HTR3C: variants seen among roughly 807,000 people sequenced by gnomAD.
The protein encoded by HTR3C is 5-hydroxytryptamine receptor 3C.
Under a neutral mutation model 40.5 loss-of-function variants are expected in HTR3C, and 32 were observed. That is an observed-to-expected ratio of 0.79 (90% CI 0.60 to 1.06). The LOEUF (loss-of-function observed/expected upper bound fraction) is 1.06, where lower values mean the gene tolerates loss of function less well. HTR3C is among the 50% of genes least tolerant of loss of function. The pLI is 0.00. For missense variants in HTR3C, 523 were observed against 556.8 expected (o/e 0.94, Z 0.61); for synonymous variants, 209 against 217.1 (o/e 0.96, Z 0.33).
chr3:184,058,377 CG>C (rs1415108208), intron 5 of HTR3C, 49 bp from the exon 6 acceptor site: 2 of 1,507,976 alleles, frequency 1.3e-6, no homozygotes, highest in African/African-American at 2.9e-5. Context: ...ATTTCGTGGG[CG>C]GGAGGCTTGG....
chr3:184,053,830 C>T lies in HTR3C; in HGVS notation c.67+683C>T, dbSNP rs188569867. ...AGTGCAGTGGCACGATCTTGGCTCA[C>T]TGCAACCTCCGCCTCTCGGGTTTGA... On this transcript the variant is annotated intron_variant, in intron 1 of 8. Transcript: ENST00000318351. Among the ~76,000 whole-genome samples, 57 of 152,342 alleles carry T rather than the reference C, an allele frequency of 3.7e-4. 1 individual carries two copies. The East Asian group carries it at 7.1e-3, about 19-fold the overall frequency.
chr3:184,059,624 T>C lies in HTR3C; in HGVS notation c.909T>C (p.Ser303=), dbSNP rs780269955. 6 of 1,613,982 alleles carry C rather than the reference T, an allele frequency of 3.7e-6. No individual in the cohort carries two copies. Among genetic ancestry groups the C allele is most frequent in the African/African-American group, 1.3e-5 (1 of 74,894 alleles). Residue 303 remains serine, a synonymous_variant, in exon 7 of 9, where the codon AGT becomes AGC. Transcript: ENST00000318351. The part of the protein sequence containing the change: ...LLMMNDLLPA[S]GTPLISVYFA... ...TGATGAATGACTTGCTCCCTGCCAG[T>C]GGCACCCCCCTCATCAGTATGGCTC...
rs1449022848 is a variant in HTR3C at position 184,060,268 on chromosome 3, C to T, written c.1260C>T (p.His420=). 78 of 1,614,056 alleles carry T rather than the reference C, an allele frequency of 4.8e-5. No individual in the cohort carries two copies. The highest frequency in any genetic ancestry group is 1.6e-4 in the East Asian group (7 of 44,888). ...QLMELWVQFS[H]AMDTLLFRLY... ...TGGAGCTGTGGGTGCAGTTCAGCCA[C>T]GCGATGGACACCCTGCTCTTCCGCC... is the stretch of plus-strand genomic sequence containing the variant. Residue 420 remains histidine (H), a synonymous_variant, in exon 9 of 9, where the codon CAC becomes CAT. Coordinates refer to ENST00000318351, the MANE Select transcript of HTR3C (RefSeq NM_130770.3).
In HTR3C at chr3:184,055,914, G is replaced by T. The variant is rs1309986232; in HGVS notation, c.280-263G>T. ...AAAAAAAAAAAAAAAAAAAAAAAAA[G>T]GCCAAGTGCAGGCCAATATATTGGT... is the stretch of plus-strand genomic sequence containing the variant. On this transcript the variant is annotated intron_variant, in intron 3 of 8. Coordinates refer to ENST00000318351, the MANE Select transcript of HTR3C (RefSeq NM_130770.3). Among the ~76,000 whole-genome samples the T allele has an allele frequency of 6.9e-4, 21 of 30,372 alleles. 1 individual carries two copies. The highest frequency in any genetic ancestry group is 8.0e-4 in the South Asian group (1 of 1,254). 19.9% of individuals were successfully genotyped at this position (30,372 alleles called of 152,430 possible).
rs1377787713 is a variant in HTR3C, at chr3:184,060,365, C to G, written c.*13C>G. 1.9e-6 allele frequency: 3 copies of G among 1,614,006 alleles called. No individual in the cohort carries two copies. The highest frequency in any genetic ancestry group is 1.3e-5 in the African/African-American group (1 of 74,944). ...CTGGAACACCTAGGCAGACATCCCC[C>G]CTCTCTGGCAAACAACAGCTTGGAG... On this transcript the variant is annotated 3_prime_UTR_variant, in exon 9 of 9. Coordinates refer to ENST00000318351, the MANE Select transcript of HTR3C (RefSeq NM_130770.3).
At chr3:184,059,751 T>C in intron 7 of HTR3C, 77 bp from the exon 8 acceptor site, 7 of 1,593,420 alleles carry the variant, frequency 4.4e-6, no homozygotes, top group Non-Finnish European at 6.0e-6. Context: ...TGAAAGAAGA[T>C]TGGATTTAGG....
chr3:184,053,723 T>C (rs768037128), intron 1 of HTR3C, among the ~76,000 whole-genome samples: 1 of 152,200 alleles, frequency 6.6e-6, no homozygotes, highest in Non-Finnish European at 1.5e-5. Flanking sequence ...AGAGACAATA[T>C]CTGCACCGGC....
Sources: gnomAD v4.1 joint callset for allele counts (sites outside exome capture counted in the v4.1 genomes callset) on GRCh38, gnomAD v4.1.1 for gene constraint, MANE v1.5 for transcripts, NCBI Gene and HGNC (gene_info 2026-07-23, HGNC 2026-07-21) for gene names.